Variants in MACROD2 observed in about 807,000 individuals in gnomAD.
MACROD2 encodes the protein mono-ADP ribosylhydrolase 2.
In MACROD2, 36 loss-of-function variants were observed where a neutral mutation model predicts 70.4. The ratio of observed to expected loss-of-function variants is 0.51; its 90% CI spans 0.39 to 0.68. The LOEUF is 0.68. Ranked by LOEUF, MACROD2 falls within the 30% of genes least tolerant of loss-of-function variation. MACROD2 has a pLI of 0.00. For synonymous variants in MACROD2, 172 were observed against 178.8 expected (o/e 0.96, Z 0.30); for missense variants, 496 against 538.4 (o/e 0.92, Z 0.78).
In MACROD2 at chr20:15,511,963, G is replaced by C. The variant is rs78539481; in HGVS notation, c.645+12116G>C. 6.2e-3 allele frequency among the ~76,000 whole-genome samples: 944 copies of C among 152,348 alleles called. 14 individuals carry two copies. The highest frequency in any genetic ancestry group is 0.022 in the African/African-American group (905 of 41,590). ...ATTTCTTCAGGTAGTGGTTGAGAAA[G>C]ATTAGGCCAGTTGCTCTCAACAATC... On this transcript the variant is annotated intron_variant, in intron 8 of 17. Transcript: ENST00000684519.
chr20:15,209,924 A>G (rs1012440742), intron 5 of MACROD2, among the ~76,000 whole-genome samples: 4 of 152,182 alleles, frequency 2.6e-5, no homozygotes, highest in Non-Finnish European at 5.9e-5. Context: ...ATGGTTCTCC[A>G]TAGAGTTTAT....
chr20:14,794,550 T>G (rs1426105408), intron 5 of MACROD2, among the ~76,000 whole-genome samples: 1 of 151,886 alleles, frequency 6.6e-6, no homozygotes, highest in Non-Finnish European at 1.5e-5. Context: ...ATATTTCTCG[T>G]TTTTTTTCTG....
intron 3 of MACROD2, among the ~76,000 whole-genome samples, chr20:14,429,876 A>G (rs2122924690): frequency 6.6e-6 from 1 of 152,250 alleles, no homozygotes; most frequent in South Asian, 2.1e-4. Context: ...TGTTTACCAG[A>G]GGGTCCCTAA....
intron 8 of MACROD2, among the ~76,000 whole-genome samples, chr20:15,813,016 T>C (rs145770520): frequency 6.6e-6 from 1 of 152,304 alleles, no homozygotes; most frequent in East Asian, 1.9e-4. Context: ...CAAAGACTTC[T>C]TTTATAGGGC....
chr20:16,052,480 G>A lies in MACROD2; in HGVS notation c.*2604G>A, dbSNP rs1327806564. On this transcript the variant is annotated 3_prime_UTR_variant, in exon 18 of 18. Coordinates refer to ENST00000684519, the MANE Select transcript of MACROD2 (RefSeq NM_001351661.2). ...AGGAAAATAGCCCTATGTTAGTCAT[G>A]TTTGCATACAGAGGATCAAAGTAGG... 1 of 152,436 alleles carries A rather than the reference G, an allele frequency of 6.6e-6. No individual in the cohort carries two copies. The allele number at this position is 152,436 out of a possible 1,614,324, so 9.4% of individuals were successfully genotyped here.
intron 4 of MACROD2, among the ~76,000 whole-genome samples, chr20:14,629,147 T>TG (rs1568708928): frequency 6.6e-6 from 1 of 150,806 alleles, no homozygotes; most frequent in Admixed American, 6.6e-5. Flanking sequence ...TAGAGGACTT[T>TG]TGTGTGTGTG....
intron 8 of MACROD2, among the ~76,000 whole-genome samples, chr20:15,852,387 C>A (rs914165785): frequency 6.6e-6 from 1 of 152,184 alleles, no homozygotes; most frequent in Non-Finnish European, 1.5e-5. Flanking sequence ...ATAAAGGATC[C>A]TTTTTATGCC....
At chr20:14,861,250 T>A (rs966096111) in intron 5 of MACROD2, among the ~76,000 whole-genome samples, 3 of 152,020 alleles carry the variant, frequency 2.0e-5, no homozygotes, top group African/African-American at 7.2e-5. Flanking sequence ...GGGAAGATAA[T>A]GTTAATGGAG....
intron 4 of MACROD2, among the ~76,000 whole-genome samples, chr20:14,545,748 A>C (rs1334525481): frequency 6.6e-6 from 1 of 152,174 alleles, no homozygotes; most frequent in Non-Finnish European, 1.5e-5. Flanking sequence ...TGGAAGAGAG[A>C]GATAAGGTAC....
At chr20:14,399,021 A>ATTT (rs57218208) in intron 3 of MACROD2, among the ~76,000 whole-genome samples, 1 of 139,110 alleles carries the variant, frequency 7.2e-6, no homozygotes, top group Non-Finnish European at 1.6e-5. Flanking sequence ...CTCAATGAGT[A>ATTT]TTTTTTTTTT....
chr20:15,859,149 C>T (rs972829069), intron 8 of MACROD2, among the ~76,000 whole-genome samples: 5 of 151,954 alleles, frequency 3.3e-5, no homozygotes, highest in African/African-American at 1.2e-4. Flanking sequence ...ATTTACTGTT[C>T]ATGAGATGGA....
chr20:14,720,802 T>A (rs987645007), intron 5 of MACROD2, among the ~76,000 whole-genome samples: 1 of 151,882 alleles, frequency 6.6e-6, no homozygotes, highest in Non-Finnish European at 1.5e-5. Context: ...TCTGCCCTCC[T>A]CAGCCCCGCA....
At chr20:15,475,937 G>A (rs1048794261) in intron 7 of MACROD2, among the ~76,000 whole-genome samples, 73 of 152,166 alleles carry the variant, frequency 4.8e-4, no homozygotes, top group Non-Finnish European at 2.9e-4. Flanking sequence ...AATGTTCTTC[G>A]TTGCGTTCTA....
At chr20:15,379,906 C>A (rs1309850079) in intron 6 of MACROD2, among the ~76,000 whole-genome samples, 1 of 152,178 alleles carries the variant, frequency 6.6e-6, no homozygotes, top group African/African-American at 2.4e-5. Flanking sequence ...ATAATAGTTA[C>A]AAGGCTCTGC....
At chr20:14,339,291 A>C (rs535767268) in intron 3 of MACROD2, among the ~76,000 whole-genome samples, 1 of 152,178 alleles carries the variant, frequency 6.6e-6, no homozygotes, top group Non-Finnish European at 1.5e-5. Context: ...TTAGATTCTA[A>C]TGTCCATTGA....
chr20:14,914,485 T>G (rs2074066723), intron 5 of MACROD2, among the ~76,000 whole-genome samples: 1 of 152,164 alleles, frequency 6.6e-6, no homozygotes, highest in African/African-American at 2.4e-5. Flanking sequence ...ATATGAGAGC[T>G]TTGGGGCTAA....
At position 14,902,745 on chromosome 20, in the gene MACROD2, G is replaced by A. The variant is rs570283872; in HGVS notation, c.418+217786G>A. Among the ~76,000 whole-genome samples, 5 of 152,214 alleles carry A rather than the reference G, an allele frequency of 3.3e-5. No individual in the cohort carries two copies. In the South Asian group the frequency reaches 1.0e-3, roughly 32 times the overall value. On this transcript the variant is annotated intron_variant, in intron 5 of 17. Coordinates refer to ENST00000684519, the MANE Select transcript of MACROD2 (RefSeq NM_001351661.2). ...CTCTAGGGAACATGTAGTCTAAAAA[G>A]CCTATCTAAAAGCAAAGTTCAGCCT...
At chr20:14,640,729 A>G (rs1048040717) in intron 4 of MACROD2, among the ~76,000 whole-genome samples, 3 of 152,196 alleles carry the variant, frequency 2.0e-5, no homozygotes, top group Non-Finnish European at 2.9e-5. Context: ...ATATTCTACT[A>G]TAGTCTATTA....
At chr20:15,824,866 G>A (rs898289647) in intron 8 of MACROD2, among the ~76,000 whole-genome samples, 1 of 152,102 alleles carries the variant, frequency 6.6e-6, no homozygotes, top group African/African-American at 2.4e-5. Context: ...GCTCATTAAT[G>A]TTTGTTGATT....
Sources: gnomAD v4.1 joint callset for allele counts (sites outside exome capture counted in the v4.1 genomes callset) on GRCh38, gnomAD v4.1.1 for gene constraint, MANE v1.5 for transcripts, NCBI Gene and HGNC (gene_info 2026-07-23, HGNC 2026-07-21) for gene names.